Variants in CDYL2 observed in about 807,000 individuals in gnomAD.
CDYL2 encodes chromodomain Y-like protein 2.
In CDYL2, 23 loss-of-function variants were observed where a neutral mutation model predicts 49.4. The observed-to-expected ratio is 0.47, with a 90% CI of 0.34 to 0.66. The LOEUF (loss-of-function observed/expected upper bound fraction) is 0.66. Among genes scored for constraint, CDYL2 ranks in the 30% least tolerant of loss-of-function variants. CDYL2 has a pLI of 0.01. For synonymous variants in CDYL2, 360 were observed against 268.8 expected (o/e 1.34, Z -3.32); for missense variants, 678 against 656.4 (o/e 1.03, Z -0.36).
chr16:80,786,024 G>T (rs1907423604), intron 1 of CDYL2, among the ~76,000 whole-genome samples: 1 of 152,046 alleles, frequency 6.6e-6, no homozygotes, highest in African/African-American at 2.4e-5. Context: ...AAGAAAACCT[G>T]GGCAATACCA....
At chr16:80,714,491 T>TA (rs972520374) in intron 1 of CDYL2, among the ~76,000 whole-genome samples, 2 of 151,892 alleles carry the variant, frequency 1.3e-5, no homozygotes, top group Non-Finnish European at 2.9e-5. Flanking sequence ...ACGGGAAAAA[T>TA]AAAAAAATTT....
chr16:80,728,035 C>T (rs1660731390), intron 1 of CDYL2, among the ~76,000 whole-genome samples: 1 of 152,176 alleles, frequency 6.6e-6, no homozygotes, highest in Admixed American at 6.5e-5. Context: ...CTCTAAAAAG[C>T]AGAGCACCTC....
rs538917700 is a variant in CDYL2 at position 80,684,879 on chromosome 16, C to T, written c.275G>A (p.Arg92Lys). Reference sequence around the variant, plus strand: ...CTTGCTCTTTCCAGGATCTGAAGGTCTGTGGGACAGTTTCTCAACCGACGG... The same window carrying T: ...CTTGCTCTTTCCAGGATCTGAAGGTTTGTGGGACAGTTTCTCAACCGACGG... ...RGPSVEKLSH[R>K]PSDPGKSKGT... The change falls in exon 2 of 7, where the codon AGA becomes AAA. Residue 92 changes from arginine (R) to lysine (K), a missense_variant. Transcript: ENST00000570137. 9 of 1,614,066 alleles carry T rather than the reference C, an allele frequency of 5.6e-6. No individual in the cohort carries two copies. The highest frequency in any genetic ancestry group is 7.6e-6 in the Non-Finnish European group (9 of 1,180,044).
At chr16:80,605,676 G>A (rs1272458410) in intron 6 of CDYL2, among the ~76,000 whole-genome samples, 1 of 151,712 alleles carries the variant, frequency 6.6e-6, no homozygotes, top group East Asian at 1.9e-4. Context: ...AATAATCATA[G>A]TAGTGAGTAA....
intron 1 of CDYL2, among the ~76,000 whole-genome samples, chr16:80,745,420 A>G (rs1905893159): frequency 6.6e-6 from 1 of 152,198 alleles, no homozygotes; most frequent in Non-Finnish European, 1.5e-5. Flanking sequence ...TGGAATCAAG[A>G]GTGCCCGCAG....
intron 1 of CDYL2, among the ~76,000 whole-genome samples, chr16:80,761,452 GC>G (rs1906526517): frequency 6.6e-6 from 1 of 152,182 alleles, no homozygotes; most frequent in Non-Finnish European, 1.5e-5. Context: ...TAGTAAAAGT[GC>G]CCCAAGAGTG....
chr16:80,618,490 C>T (rs1216937115), intron 4 of CDYL2, among the ~76,000 whole-genome samples: 4 of 152,204 alleles, frequency 2.6e-5, no homozygotes, highest in African/African-American at 9.6e-5. Flanking sequence ...GGAGACACTT[C>T]CCTCACCAGA....
At position 80,600,783 on chromosome 16, in the gene CDYL2, A is replaced by AT. The variant is rs920839515; in HGVS notation, c.*3604dup. 1 of 117,776 alleles carries AT rather than the reference A, an allele frequency of 8.5e-6. No homozygotes were observed. The highest frequency in any genetic ancestry group is 4.9e-5 in the African/African-American group (1 of 20,400). The allele number at this position is 117,776 out of a possible 1,614,324, so 7.3% of individuals were successfully genotyped here. ...TTTAATGGATGTGACTAAATTCCAA[A>AT]TAAAAAAAAAGTTTACAAAATTTTT... On this transcript the variant is annotated 3_prime_UTR_variant, in exon 7 of 7. Transcript: ENST00000570137.
chr16:80,660,336 G>A (rs1385128906), intron 2 of CDYL2, among the ~76,000 whole-genome samples: 1 of 152,016 alleles, frequency 6.6e-6, no homozygotes, highest in African/African-American at 2.4e-5. Flanking sequence ...AGATGTGGAA[G>A]AGACATGTTC....
intron 1 of CDYL2, among the ~76,000 whole-genome samples, chr16:80,699,204 C>G (rs542604090): frequency 1.3e-5 from 2 of 152,294 alleles, no homozygotes; most frequent in Non-Finnish European, 2.9e-5. Flanking sequence ...TATACCTGTA[C>G]TCTCATGTTT....
At chr16:80,660,531 T>C (rs1908998789) in intron 2 of CDYL2, among the ~76,000 whole-genome samples, 1 of 152,038 alleles carries the variant, frequency 6.6e-6, no homozygotes, top group Admixed American at 6.6e-5. Context: ...GTGAAAAGCA[T>C]TAAAAGGTCA....
Position 80,612,789 on chromosome 16 carries a change from G to C in CDYL2, c.1055C>G (p.Ala352Gly). 1 of 1,613,874 alleles carries C rather than the reference G, an allele frequency of 6.2e-7. No individual in the cohort carries two copies. The highest frequency in any genetic ancestry group is 8.5e-7 in the Non-Finnish European group (1 of 1,179,984). Residue 352 changes from alanine to glycine, a missense_variant, in exon 5 of 7, where the codon GCC becomes GGC. Ala to Gly is a moderately conservative substitution (Grantham distance 60). Transcript: ENST00000570137. The surrounding 1 kb of genome is among the most constrained non-coding windows in gnomAD (Gnocchi z 5.0). ...CAGGCCCAGGGCCGGCCCATTGATG[G>C]CCACCACGATAGGCTTCTTAAACTG... ...FIQFKKPIVV[A>G]INGPALGLGA...
At chr16:80,711,760 C>A (rs1366642582) in intron 1 of CDYL2, among the ~76,000 whole-genome samples, 1 of 152,108 alleles carries the variant, frequency 6.6e-6, no homozygotes. Context: ...CTCAGTAAAT[C>A]TGAAGCATAG....
At chr16:80,605,536 CAAT>C (rs1233864449) in intron 6 of CDYL2, among the ~76,000 whole-genome samples, 1 of 149,714 alleles carries the variant, frequency 6.7e-6, no homozygotes, top group Non-Finnish European at 1.5e-5. Context: ...GTAACAATAG[CAAT>C]AATAATCACA....
intron 6 of CDYL2, 119 bp from the exon 7 acceptor site, chr16:80,604,665 C>T: frequency 1.9e-6 from 2 of 1,041,868 alleles, no homozygotes; most frequent in Non-Finnish European, 2.9e-6. Flanking sequence ...AAGGCTGCCT[C>T]CTCCAGCCTG....
chr16:80,689,744 G>A (rs371810245), intron 1 of CDYL2, among the ~76,000 whole-genome samples: 17 of 152,310 alleles, frequency 1.1e-4, no homozygotes, highest in East Asian at 9.6e-4. Context: ...AAGAAACCTC[G>A]CAGACCGCCA....
Position 80,638,106 on chromosome 16 carries a change from G to A in CDYL2, c.617-4870C>T, listed in dbSNP as rs556368745. Among the ~76,000 whole-genome samples the A allele has an allele frequency of 4.6e-5, 7 of 151,852 alleles. No individual in the cohort carries two copies. In the South Asian group the frequency reaches 1.5e-3, roughly 32 times the overall value. ...TTTTTTTTTCTTGAGACAAGGTCTTGCTGTGTCACCCAGGCTGGAGTACAG... is the reference window on the plus strand; with the variant it reads ...TTTTTTTTTCTTGAGACAAGGTCTTACTGTGTCACCCAGGCTGGAGTACAG... On this transcript the variant is annotated intron_variant, in intron 2 of 6. Coordinates refer to ENST00000570137, the MANE Select transcript of CDYL2 (RefSeq NM_152342.4).
chr16:80,696,253 AAGAG>A (rs2142494155), intron 1 of CDYL2, among the ~76,000 whole-genome samples: 1 of 152,332 alleles, frequency 6.6e-6, no homozygotes, highest in South Asian at 2.1e-4. Flanking sequence ...AAGCAGTACT[AAGAG>A]AGAAGGTAAT....
In CDYL2 at chr16:80,707,498, C is replaced by T. The variant is rs79289328; in HGVS notation, c.25-22369G>A. On this transcript the variant is annotated intron_variant, in intron 1 of 6. Coordinates refer to ENST00000570137, the MANE Select transcript of CDYL2 (RefSeq NM_152342.4). ...AGAAGAAAGTATAAATGTGAAAAAC[C>T]TTGAACAAGACCATCCTTGTTCAAG... Among the ~76,000 whole-genome samples the T allele has an allele frequency of 2.5e-3, 375 of 152,206 alleles. 2 individuals carry two copies. Among genetic ancestry groups the T allele is most frequent in the African/African-American group, 8.6e-3 (356 of 41,534 alleles).
Sources: allele counts gnomAD v4.1 joint callset (sites outside exome capture counted in the v4.1 genomes callset), GRCh38; gene constraint gnomAD v4.1.1; non-coding constraint Gnocchi (gnomAD v3.1); transcripts MANE v1.5; gene names NCBI Gene and HGNC (gene_info 2026-07-23, HGNC 2026-07-21).